The following SLC16A10 variants were observed in gnomAD, a reference collection of about 807,000 sequenced individuals.
SLC16A10 encodes the protein monocarboxylate transporter 10.
In SLC16A10, 27 loss-of-function variants were observed where a neutral mutation model predicts 40.0. That is an observed-to-expected ratio of 0.67 (90% CI 0.50 to 0.93). The LOEUF (loss-of-function observed/expected upper bound fraction) is 0.93. Among genes scored for constraint, SLC16A10 ranks in the 40% least tolerant of loss-of-function variants. The pLI, the probability that SLC16A10 is intolerant of heterozygous loss-of-function variation, is 0.00. For synonymous variants in SLC16A10, 213 were observed against 249.8 expected, an observed-to-expected ratio of 0.85 and a Z score of 1.39; for missense variants, 529 against 658.2, an observed-to-expected ratio of 0.80 and a Z score of 2.15.
At chr6:111,193,600 C>G (rs1451849024) in intron 3 of SLC16A10, among the ~76,000 whole-genome samples, 1 of 152,130 alleles carries the variant, frequency 6.6e-6, no homozygotes, top group African/African-American at 2.4e-5. Context: ...AACAAAGCTG[C>G]TGCTTATAGT....
intron 1 of SLC16A10, among the ~76,000 whole-genome samples, chr6:111,110,198 G>A (rs1480509225): frequency 6.6e-6 from 1 of 152,130 alleles, no homozygotes; most frequent in Non-Finnish European, 1.5e-5. Flanking sequence ...TCATCGGCCT[G>A]GATATATGGG....
At chr6:111,170,701 G>A (rs886502972) in intron 1 of SLC16A10, among the ~76,000 whole-genome samples, 5 of 152,078 alleles carry the variant, frequency 3.3e-5, no homozygotes, top group African/African-American at 7.2e-5. Flanking sequence ...AGCCCACCTC[G>A]GCCTCCCAAA....
At chr6:111,127,515 T>C (rs1410199692) in intron 1 of SLC16A10, among the ~76,000 whole-genome samples, 1 of 152,112 alleles carries the variant, frequency 6.6e-6, no homozygotes, top group Non-Finnish European at 1.5e-5. Flanking sequence ...AGGGGAGTGA[T>C]GTGTCTTATT....
rs1770893007 is a variant in SLC16A10 at position 111,087,759 on chromosome 6, C to T, written c.7C>T (p.Leu3Phe). The T allele has an allele frequency of 8.2e-7, 1 of 1,214,968 alleles. No individual in the cohort carries two copies. The highest frequency in any genetic ancestry group is 1.0e-6 in the Non-Finnish European group (1 of 977,768). The allele number at this position is 1,214,968 out of a possible 1,614,324, so 75.3% of individuals were successfully genotyped here. A position where few individuals can be genotyped will look rare whatever the true frequency, so the allele number is the denominator to read the frequency against. Residue 3 changes from leucine to phenylalanine, a missense_variant, in exon 1 of 6, where the codon CTC becomes TTC. Leu to Phe is a conservative substitution (Grantham distance 22). Transcript: ENST00000368851. MV[L>F]SQEEPDSARG... ...GAGGGGCCCGCCTCGGGCCATGGTG[C>T]TCTCCCAGGAGGAGCCGGACTCCGC...
chr6:111,105,447 A>C (rs1411750817), intron 1 of SLC16A10, among the ~76,000 whole-genome samples: 1 of 152,210 alleles, frequency 6.6e-6, no homozygotes, highest in African/African-American at 2.4e-5. Flanking sequence ...CTGGGGTGGA[A>C]TATTGCACAG....
chr6:111,222,190 A>T lies in SLC16A10; in HGVS notation c.1503A>T (p.Ser501=). ...TGGAAAACCAGAACTCTCTGCTGTC[A>T]AGTTCATCTGGAATGTTCAAGAAAG... ...KMLENQNSLL[S]SSSGMFKKES... Residue 501 remains serine (S), a synonymous_variant, in exon 6 of 6, where the codon TCA becomes TCT. Transcript: ENST00000368851. 1 of 1,607,480 alleles carries T rather than the reference A, an allele frequency of 6.2e-7. No homozygotes were observed. The highest frequency in any genetic ancestry group is 8.5e-7 in the Non-Finnish European group (1 of 1,178,084).
At chr6:111,136,919 C>G (rs974695767) in intron 1 of SLC16A10, among the ~76,000 whole-genome samples, 1 of 152,218 alleles carries the variant, frequency 6.6e-6, no homozygotes, top group Admixed American at 6.5e-5. Context: ...CCTCCATGCT[C>G]ACGCAGCAAT....
intron 3 of SLC16A10, among the ~76,000 whole-genome samples, chr6:111,187,499 A>T (rs780539476): frequency 6.6e-6 from 1 of 152,228 alleles, no homozygotes; most frequent in Admixed American, 6.5e-5. Flanking sequence ...AAAAAAAGAA[A>T]GGTAAAGGAA....
intron 1 of SLC16A10, among the ~76,000 whole-genome samples, chr6:111,103,120 G>T (rs148142445): frequency 6.6e-6 from 1 of 152,100 alleles, no homozygotes; most frequent in East Asian, 1.9e-4. Flanking sequence ...TGCCCAGGCT[G>T]GTCTCAAACT....
chr6:111,156,987 CG>C (rs1772281832), intron 1 of SLC16A10, among the ~76,000 whole-genome samples: 1 of 152,118 alleles, frequency 6.6e-6, no homozygotes, highest in Non-Finnish European at 1.5e-5. Context: ...GGTGAAATCT[CG>C]GCTCACTGCA....
chr6:111,163,443 C>T (rs1409546154), intron 1 of SLC16A10, among the ~76,000 whole-genome samples: 8 of 152,200 alleles, frequency 5.3e-5, no homozygotes, highest in East Asian at 3.9e-4. Flanking sequence ...TGAGCCACCG[C>T]ACCCGGCAAC....
rs2114598210 is a variant in SLC16A10 at position 111,222,847 on chromosome 6, G to A, written c.*612G>A. On this transcript the variant is annotated 3_prime_UTR_variant, in exon 6 of 6. Coordinates refer to ENST00000368851, the MANE Select transcript of SLC16A10 (RefSeq NM_018593.5). ...AACATAGTGTTCAGAATCAATATGT[G>A]AGATGAAAAGGATCCCCTCCAGGAG... is the stretch of plus-strand genomic sequence containing the variant. 6.6e-6 allele frequency: 1 copy of A among 152,634 alleles called. No homozygotes were observed. Among genetic ancestry groups the A allele is most frequent in the African/African-American group, 2.4e-5 (1 of 41,560 alleles). 9.5% of individuals were successfully genotyped at this position (152,634 alleles called of 1,614,324 possible). A position where few individuals can be genotyped will look rare whatever the true frequency, so the allele number is the denominator to read the frequency against.
At chr6:111,125,645 A>G (rs1452811349) in intron 1 of SLC16A10, among the ~76,000 whole-genome samples, 1 of 152,088 alleles carries the variant, frequency 6.6e-6, no homozygotes, top group Non-Finnish European at 1.5e-5. Flanking sequence ...AACTCTCTTT[A>G]TTCTTGAATA....
chr6:111,139,092 C>CTTCTTTT (rs202229156), intron 1 of SLC16A10, among the ~76,000 whole-genome samples: 1,132 of 118,488 alleles, frequency 9.6e-3, no homozygotes, highest in Non-Finnish European at 0.013. Context: ...TCTTCTTCTT[C>CTTCTTTT]TTTTTTTTTT....
intron 1 of SLC16A10, among the ~76,000 whole-genome samples, chr6:111,169,741 A>G (rs1044639463): frequency 6.6e-6 from 1 of 152,222 alleles, no homozygotes; most frequent in Non-Finnish European, 1.5e-5. Flanking sequence ...ATTTTTCCCC[A>G]CTGAATAAAT....
intron 1 of SLC16A10, among the ~76,000 whole-genome samples, chr6:111,143,552 A>G (rs1476257100): frequency 6.6e-6 from 1 of 152,020 alleles, no homozygotes; most frequent in African/African-American, 2.4e-5. Flanking sequence ...GGCCCATGCT[A>G]TGGAGGAAAC....
rs1281128739 is a variant in SLC16A10, at chr6:111,222,065, C to T, written c.1378C>T (p.Leu460Phe). 4.3e-6 allele frequency: 7 copies of T among 1,611,082 alleles called. No individual in the cohort carries two copies. Among genetic ancestry groups the T allele is most frequent in the South Asian group, 1.1e-5 (1 of 90,346 alleles). The part of the protein sequence containing the change: ...VAFYLAGVPP[L>F]IGGAVLCFIP... ...ATTCTACCTCGCTGGAGTCCCTCCC[C>T]TTATTGGAGGTGCTGTGCTTTGTTT... The change falls in exon 6 of 6, where the codon CTT (leucine) becomes TTT (phenylalanine). Residue 460 changes from leucine to phenylalanine, a missense_variant. By Grantham distance (22) the Leu-to-Phe change is conservative. Transcript: ENST00000368851.
intron 3 of SLC16A10, among the ~76,000 whole-genome samples, chr6:111,180,069 C>G (rs78050561): frequency 0.017 from 2,656 of 152,302 alleles, 71 homozygotes; most frequent in African/African-American, 0.06. Context: ...TGAGGGGACA[C>G]ATATATGAGA....
chr6:111,152,704 T>C (rs1772193876), intron 1 of SLC16A10, among the ~76,000 whole-genome samples: 1 of 152,198 alleles, frequency 6.6e-6, no homozygotes, highest in African/African-American at 2.4e-5. Context: ...GAACATGCTG[T>C]TGGAGTAAGA....
Sources: gnomAD v4.1 joint callset for allele counts (sites outside exome capture counted in the v4.1 genomes callset) on GRCh38, gnomAD v4.1.1 for gene constraint, MANE v1.5 for transcripts, NCBI Gene and HGNC (gene_info 2026-07-23, HGNC 2026-07-21) for gene names.